Variants in TMEM106A observed in about 807,000 individuals in gnomAD.
TMEM106A encodes transmembrane protein 106A.
TMEM106A carries 22 observed loss-of-function variants against 25.1 expected under a neutral mutation model. That is an observed-to-expected ratio of 0.88 (90% CI 0.63 to 1.25). The LOEUF (loss-of-function observed/expected upper bound fraction) is 1.25, where lower values mean the gene tolerates loss of function less well. Among genes scored for constraint, TMEM106A ranks in the 50% most tolerant of loss-of-function variants. The pLI is 0.00. For missense variants in TMEM106A, 275 were observed against 318.1 expected (o/e 0.86, Z 1.03); for synonymous variants, 104 against 129.9 (o/e 0.80, Z 1.35).
At chr17:43,213,359 C>T (rs1488398721) in intron 3 of TMEM106A, 107 bp downstream of exon 3, 1 of 1,204,856 alleles carries the variant, frequency 8.3e-7, no homozygotes, top group African/African-American at 1.5e-5. Context: ...TAGATCTGCT[C>T]CCAGCTCTTG....
chr17:43,216,706 G>GA lies in TMEM106A; in HGVS notation c.580_581insA (p.Ala194AspfsTer9). 3 of 1,614,188 alleles carry GA rather than the reference G, an allele frequency of 1.9e-6. No individual in the cohort carries two copies. The highest frequency in any genetic ancestry group is 2.5e-6 in the Non-Finnish European group (3 of 1,180,030). On this transcript the variant is annotated frameshift_variant, in exon 7 of 9. Transcript: ENST00000612339. LOFTEE classifies it high-confidence loss of function. ...CCCATTTGGTTGACAGATGTTTTAC[G>GA]CAGTAGCTACCAAGATACGGGATGA...
intron 8 of TMEM106A, 120 bp downstream of exon 8, chr17:43,217,432 G>A (rs1229540625): frequency 7.3e-7 from 1 of 1,362,244 alleles, no homozygotes; most frequent in Admixed American, 1.7e-5. Flanking sequence ...TTGGCTCTTG[G>A]GAATAGCAAG....
chr17:43,213,798 G>A, intron 3 of TMEM106A, 30 bp from the exon 4 acceptor site: 1 of 1,611,076 alleles, frequency 6.2e-7, no homozygotes. Flanking sequence ...GTTGCATCTT[G>A]GCCCTCCCTC....
In TMEM106A at chr17:43,218,001, C is replaced by G. The variant is rs2057503231; in HGVS notation, c.*200C>G. The G allele has an allele frequency of 1.4e-6, 1 of 703,334 alleles. No homozygotes were observed. The highest frequency in any genetic ancestry group is 2.9e-5 in the Admixed American group (1 of 34,644). The allele number at this position is 703,334 out of a possible 1,614,324, so 43.6% of individuals were successfully genotyped here. A position where few individuals can be genotyped will look rare whatever the true frequency, so the allele number is the denominator to read the frequency against. On this transcript the variant is annotated 3_prime_UTR_variant, in exon 9 of 9. Coordinates refer to ENST00000612339, the MANE Select transcript of TMEM106A (RefSeq NM_145041.4). ...CACACACACTCATATCCTCCAGTTT[C>G]CCCCAGATTCTTTCAGGGGCTGCCA...
At position 43,217,889 on chromosome 17, in the gene TMEM106A, G is replaced by A; in HGVS notation, c.*88G>A. The A allele has an allele frequency of 1.3e-6, 2 of 1,581,104 alleles. No individual in the cohort carries two copies. Among genetic ancestry groups the A allele is most frequent in the Non-Finnish European group, 1.7e-6 (2 of 1,163,182 alleles). ...TGGTGACTAAGGAAGGACTACAGAG[G>A]CTTTGCCAAAGGAGAAGCCCTGCCT... On this transcript the variant is annotated 3_prime_UTR_variant, in exon 9 of 9. Transcript: ENST00000612339.
chr17:43,216,331 A>G, intron 5 of TMEM106A, 118 bp from the exon 6 acceptor site: 1 of 1,377,016 alleles, frequency 7.3e-7, no homozygotes, highest in South Asian at 1.3e-5. Flanking sequence ...CATCCTCTGC[A>G]CCTGAAGCTT....
In TMEM106A at chr17:43,219,663, C is replaced by G. The variant is rs2057518869; in HGVS notation, c.*1862C>G. The G allele has an allele frequency of 6.9e-6, 1 of 145,042 alleles. No individual in the cohort carries two copies. Among genetic ancestry groups the G allele is most frequent in the African/African-American group, 2.5e-5 (1 of 39,308 alleles). 9.0% of individuals were successfully genotyped at this position (145,042 alleles called of 1,614,324 possible). ...AGGAGAATCACTTGAACCTGGGAGG[C>G]AGAGGTTGCAGTGAGCCAAGATCGC... On this transcript the variant is annotated 3_prime_UTR_variant, in exon 9 of 9. Transcript: ENST00000612339.
intron 7 of TMEM106A, 104 bp from the exon 8 acceptor site, chr17:43,217,155 A>G: frequency 8.3e-7 from 1 of 1,208,804 alleles, no homozygotes; most frequent in Middle Eastern, 2.7e-4. Context: ...GATGGAAGGA[A>G]AGAGTTCTGT....
chr17:43,214,034 C>T lies in TMEM106A; in HGVS notation c.275+143C>T, dbSNP rs551464261. On this transcript the variant is annotated intron_variant, in intron 4 of 8. Coordinates refer to ENST00000612339, the MANE Select transcript of TMEM106A (RefSeq NM_145041.4). ...GAGCCTCAGAGGTACCAGCTCCTTA[C>T]GTCCAAGGATTTTTTCCTGATTTAG... is the stretch of plus-strand genomic sequence containing the variant. 4.0e-4 allele frequency: 322 copies of T among 810,540 alleles called. 9 individuals carry two copies. The highest frequency in any genetic ancestry group is 3.6e-3 in the South Asian group (200 of 55,456). The allele number at this position is 810,540 out of a possible 1,614,324, so 50.2% of individuals were successfully genotyped here. A position where few individuals can be genotyped will look rare whatever the true frequency, so the allele number is the denominator to read the frequency against.
chr17:43,214,959 G>GAAA (rs538770111), intron 4 of TMEM106A, among the ~76,000 whole-genome samples: 48 of 73,912 alleles, frequency 6.5e-4, no homozygotes, highest in African/African-American at 2.4e-3. Context: ...GGCCTCATCT[G>GAAA]AAAAAAAAAA....
intron 7 of TMEM106A, chr17:43,217,016 T>A (rs1179246006): frequency 9.6e-6 from 6 of 625,240 alleles, no homozygotes; most frequent in Non-Finnish European, 1.7e-5. Flanking sequence ...GAATGTTTTG[T>A]CTGTCTCCTG....
At position 43,213,247 on chromosome 17, in the gene TMEM106A, C is replaced by A. The variant is rs765638881; in HGVS notation, c.206C>A (p.Pro69His). The change falls in exon 3 of 9, where the codon CCC (proline) becomes CAC (histidine). Residue 69 changes from proline to histidine, a missense_variant. Physicochemically the swap from Pro to His is moderately conservative, Grantham distance 77. Transcript: ENST00000612339. Reference protein sequence around the residue: ...CPTCQGSGKIPQELEKQLVAL... With the variant: ...CPTCQGSGKIHQELEKQLVAL... ...ACCTGCCAGGGCAGTGGCAAGATTC[C>A]CCAAGGTGAGTGGCCCAAGGCTCTG... 2 of 1,614,142 alleles carry A rather than the reference C, an allele frequency of 1.2e-6. No individual in the cohort carries two copies. Among genetic ancestry groups the A allele is most frequent in the East Asian group, 4.5e-5 (2 of 44,882 alleles).
In TMEM106A at chr17:43,215,788, G is replaced by A; in HGVS notation, c.276G>A (p.Thr92=). 1.2e-6 allele frequency: 2 copies of A among 1,613,558 alleles called. No homozygotes were observed. Among genetic ancestry groups the A allele is most frequent in the Non-Finnish European group, 1.7e-6 (2 of 1,179,988 alleles). ...CATCCTGGGTCCTGCTTTCCCACAG[G>A]AAGCTCTTTGTGTTCCTGGCCGTGC... ...YGDQRLKPKH[T]KLFVFLAVLI... is the part of the protein sequence containing the mutation. The change falls in exon 5 of 9, where the codon ACG becomes ACA. Residue 92 remains threonine, a splice_region_variant and synonymous_variant. Transcript: ENST00000612339.
intron 5 of TMEM106A, 162 bp downstream of exon 5, chr17:43,216,103 A>G (rs1334179411): frequency 2.3e-6 from 2 of 880,714 alleles, no homozygotes; most frequent in African/African-American, 3.4e-5. Context: ...GCTCCATGAC[A>G]GATGGTAAGG....
rs34981932 is a variant in TMEM106A, at chr17:43,218,055, T to G, written c.*254T>G. 127,165 of 382,668 alleles carry G rather than the reference T, an allele frequency of 0.33. 19,774 individuals are homozygous for G. The highest frequency in any genetic ancestry group is 0.5 in the South Asian group (15,999 of 31,682). The allele number at this position is 382,668 out of a possible 1,614,324, so 23.7% of individuals were successfully genotyped here. A position where few individuals can be genotyped will look rare whatever the true frequency, so the allele number is the denominator to read the frequency against. ...GATTCTGCCCTTGGTTAGTTTTTTG[T>G]TTTTTTTTTGGTAGAGACAGAGTCT... On this transcript the variant is annotated 3_prime_UTR_variant, in exon 9 of 9. Coordinates refer to ENST00000612339, the MANE Select transcript of TMEM106A (RefSeq NM_145041.4).
In TMEM106A at chr17:43,213,210, G is replaced by A. The variant is rs745429740; in HGVS notation, c.169G>A (p.Val57Met). 5.0e-6 allele frequency: 8 copies of A among 1,614,088 alleles called. No individual in the cohort carries two copies. The highest frequency in any genetic ancestry group is 6.8e-6 in the Non-Finnish European group (8 of 1,180,052). ...TGAAGGAACTGCTGATGCCAGCTTCGTGACTTGTCCCACCTGCCAGGGCAG... is the reference window on the plus strand; with the variant it reads ...TGAAGGAACTGCTGATGCCAGCTTCATGACTTGTCCCACCTGCCAGGGCAG... ...PCEGTADASF[V>M]TCPTCQGSGK... Residue 57 changes from valine to methionine, a missense_variant, in exon 3 of 9, where the codon GTG becomes ATG. Coordinates refer to ENST00000612339, the MANE Select transcript of TMEM106A (RefSeq NM_145041.4).
In TMEM106A at chr17:43,216,132, A is replaced by G. The variant is rs906133688; in HGVS notation, c.429+191A>G. ...GGTAAGGATTGGGACTCTACACAGT[A>G]AGGGGTCAGAATCCGGGCCAGATAA... is the stretch of plus-strand genomic sequence containing the variant. On this transcript the variant is annotated intron_variant, in intron 5 of 8. Transcript: ENST00000612339. 4.0e-6 allele frequency: 3 copies of G among 742,406 alleles called. No individual in the cohort carries two copies. In the Admixed American group the frequency reaches 8.7e-5, roughly 22 times the overall value. The allele number at this position is 742,406 out of a possible 1,614,324, so 46.0% of individuals were successfully genotyped here. A position where few individuals can be genotyped will look rare whatever the true frequency, so the allele number is the denominator to read the frequency against.
intron 8 of TMEM106A, 55 bp from the exon 9 acceptor site, chr17:43,217,626 G>A: frequency 6.2e-7 from 1 of 1,609,946 alleles, no homozygotes; most frequent in Admixed American, 1.7e-5. Flanking sequence ...GTATAATGGG[G>A]CCAGAGCTTT....
chr17:43,213,873 G>A lies in TMEM106A; in HGVS notation c.257G>A (p.Arg86Lys), dbSNP rs1040594834. ...LVALIPYGDQRLKPKHTKLFV... is the reference protein window; with the variant it reads ...LVALIPYGDQKLKPKHTKLFV... ...GCTCTCATTCCCTATGGGGACCAGA[G>A]GCTGAAGCCCAAGCACACGTAAGCC... The change falls in exon 4 of 9, where the codon AGG becomes AAG. Residue 86 changes from arginine to lysine, a missense_variant. Transcript: ENST00000612339. The A allele has an allele frequency of 3.1e-6, 5 of 1,614,056 alleles. No homozygotes were observed. The highest frequency in any genetic ancestry group is 4.2e-6 in the Non-Finnish European group (5 of 1,180,036).
Sources: allele counts gnomAD v4.1 joint callset (sites outside exome capture counted in the v4.1 genomes callset), GRCh38; gene constraint gnomAD v4.1.1; transcripts MANE v1.5; gene names NCBI Gene and HGNC (gene_info 2026-07-23, HGNC 2026-07-21).